Variants in ANKRD6 observed in about 807,000 individuals in gnomAD.
The protein encoded by ANKRD6 is ankyrin repeat domain 6.
A neutral mutation model predicts 82.3 loss-of-function variants in ANKRD6; 56 were observed. The ratio of observed to expected loss-of-function variants is 0.68; its 90% CI spans 0.55 to 0.85. The LOEUF is 0.85. Ranked by LOEUF, ANKRD6 falls within the 40% of genes least tolerant of loss-of-function variation. The probability of loss-of-function intolerance (pLI) is 0.00; values close to 1 mark genes in which losing one functional copy is unlikely to be tolerated. For synonymous variants in ANKRD6, 347 were observed against 352.1 expected (o/e 0.99, Z 0.16); for missense variants, 852 against 907.6 (o/e 0.94, Z 0.79).
intron 1 of ANKRD6, among the ~76,000 whole-genome samples, chr6:89,499,164 T>C (rs1778983490): frequency 1.3e-5 from 2 of 152,192 alleles, no homozygotes; most frequent in Admixed American, 6.5e-5. Flanking sequence ...CACCCGGATG[T>C]AGAGCAGCCT....
At chr6:89,500,489 A>C (rs1007819459) in intron 1 of ANKRD6, among the ~76,000 whole-genome samples, 10 of 152,214 alleles carry the variant, frequency 6.6e-5, no homozygotes, top group Non-Finnish European at 1.3e-4. Context: ...TAATAATGTC[A>C]TATGATATAT....
Position 89,613,859 on chromosome 6 carries a change from C to G in ANKRD6, c.584C>G (p.Thr195Ser). The G allele has an allele frequency of 6.2e-7, 1 of 1,614,056 alleles. No homozygotes were observed. Among genetic ancestry groups the G allele is most frequent in the Non-Finnish European group, 8.5e-7 (1 of 1,179,896 alleles). ...TTGTCCATCATTAGGCTCCTCCTCA[C>G]TGCTTTCTGTTCTGTCCATGAAAAG... ...NHLSIIRLLL[T>S]AFCSVHEKNQ... The change falls in exon 7 of 16, where the codon ACT becomes AGT. Residue 195 changes from threonine (T) to serine (S), a missense_variant. Transcript: ENST00000339746.
intron 1 of ANKRD6, among the ~76,000 whole-genome samples, chr6:89,491,637 A>G (rs142598118): frequency 0.062 from 8,874 of 142,128 alleles, 281 homozygotes; most frequent in South Asian, 0.15. Flanking sequence ...AGGGCCTGTC[A>G]TGGGGTGGGG....
In ANKRD6 at chr6:89,566,923, T is replaced by C; in HGVS notation, c.-54T>C. ...GCCAGGCCGGGCCAGTGACTTCGTGTTGAGCTGAAGGAACTTGTCTACCGC... is the reference window on the plus strand; with the variant it reads ...GCCAGGCCGGGCCAGTGACTTCGTGCTGAGCTGAAGGAACTTGTCTACCGC... On this transcript the variant is annotated 5_prime_UTR_variant, in exon 2 of 16. Coordinates refer to ENST00000339746, the MANE Select transcript of ANKRD6 (RefSeq NM_001242809.2). 1 of 1,549,306 alleles carries C rather than the reference T, an allele frequency of 6.5e-7. No homozygotes were observed. The highest frequency in any genetic ancestry group is 1.2e-5 in the South Asian group (1 of 83,850).
chr6:89,499,093 A>T (rs1206626959), intron 1 of ANKRD6, among the ~76,000 whole-genome samples: 2 of 151,932 alleles, frequency 1.3e-5, no homozygotes, highest in Non-Finnish European at 2.9e-5. Context: ...CTTCCTGAAT[A>T]AAAAGACATA....
At chr6:89,477,765 C>A (rs1372919367) in intron 1 of ANKRD6, among the ~76,000 whole-genome samples, 2 of 134,202 alleles carry the variant, frequency 1.5e-5, no homozygotes, top group Non-Finnish European at 3.1e-5. Context: ...AGCGAGACTC[C>A]GTCTCAAAAA....
At chr6:89,546,054 G>T (rs1562777764) in intron 1 of ANKRD6, among the ~76,000 whole-genome samples, 1 of 152,090 alleles carries the variant, frequency 6.6e-6, no homozygotes, top group Non-Finnish European at 1.5e-5. Flanking sequence ...TGATCTGCCC[G>T]CCTCAGCCTC....
chr6:89,458,999 T>TGTGCACA (rs1582708241), intron 1 of ANKRD6, among the ~76,000 whole-genome samples: 2 of 152,174 alleles, frequency 1.3e-5, no homozygotes, highest in East Asian at 3.9e-4. Flanking sequence ...TGTGGAGGGG[T>TGTGCACA]GTGCACACCT....
intron 1 of ANKRD6, among the ~76,000 whole-genome samples, chr6:89,533,908 T>C (rs192912825): frequency 1.3e-5 from 2 of 152,296 alleles, no homozygotes; most frequent in Admixed American, 1.3e-4. Context: ...TGGCGGTACC[T>C]GGTCCAATAA....
At chr6:89,448,800 A>G (rs1772417986) in intron 1 of ANKRD6, among the ~76,000 whole-genome samples, 1 of 152,014 alleles carries the variant, frequency 6.6e-6, no homozygotes, top group Non-Finnish European at 1.5e-5. Context: ...GGAGGCCGAG[A>G]TGGGCGGATC....
intron 2 of ANKRD6, among the ~76,000 whole-genome samples, chr6:89,582,737 C>T (rs1337562781): frequency 6.7e-6 from 1 of 150,232 alleles, no homozygotes; most frequent in Non-Finnish European, 1.5e-5. Context: ...TACCTAGAGG[C>T]AATGAATCAC....
chr6:89,615,551 G>C (rs572141306), intron 7 of ANKRD6, among the ~76,000 whole-genome samples: 42 of 152,276 alleles, frequency 2.8e-4, no homozygotes, highest in African/African-American at 9.9e-4. Context: ...TGGGACCCAG[G>C]CATCATCATT....
intron 1 of ANKRD6, among the ~76,000 whole-genome samples, chr6:89,491,705 T>A (rs1778029444): frequency 1.3e-5 from 2 of 152,014 alleles, no homozygotes; most frequent in South Asian, 4.2e-4. Flanking sequence ...AGTTAATGGG[T>A]GCAGCACACC....
At chr6:89,434,355 T>A (rs1452562613) in intron 1 of ANKRD6, among the ~76,000 whole-genome samples, 1 of 152,232 alleles carries the variant, frequency 6.6e-6, no homozygotes, top group East Asian at 1.9e-4. Flanking sequence ...GCTTAGGTTC[T>A]GTTAGGCCAG....
chr6:89,543,974 A>G lies in ANKRD6; in HGVS notation c.-143-22860A>G, dbSNP rs180838937. On this transcript the variant is annotated intron_variant, in intron 1 of 15. Transcript: ENST00000339746. Reference sequence around the variant, plus strand: ...CATCCCCCATTAATTAAAAAGCTCAATACCGTGGCAGTGTCTCTTACTGTC... The same window carrying G: ...CATCCCCCATTAATTAAAAAGCTCAGTACCGTGGCAGTGTCTCTTACTGTC... Among the ~76,000 whole-genome samples the G allele has an allele frequency of 9.2e-5, 14 of 151,964 alleles. No individual in the cohort carries two copies. In the East Asian group the frequency reaches 1.9e-3, roughly 21 times the overall value.
intron 1 of ANKRD6, among the ~76,000 whole-genome samples, chr6:89,460,767 GT>G (rs1158845492): frequency 6.6e-6 from 1 of 151,726 alleles, no homozygotes; most frequent in Non-Finnish European, 1.5e-5. Flanking sequence ...TTTCTCTCAA[GT>G]TTTTTTTATT....
At chr6:89,566,034 G>A (rs1788449627) in intron 1 of ANKRD6, among the ~76,000 whole-genome samples, 1 of 152,208 alleles carries the variant, frequency 6.6e-6, no homozygotes, top group South Asian at 2.1e-4. Flanking sequence ...GAAGAATTCA[G>A]TTTGCTACTA....
intron 1 of ANKRD6, among the ~76,000 whole-genome samples, chr6:89,493,572 G>A (rs1299654216): frequency 6.6e-6 from 1 of 152,000 alleles, no homozygotes; most frequent in Non-Finnish European, 1.5e-5. Context: ...ATCATGCCCA[G>A]CTAATTTTTA....
chr6:89,600,403 C>T (rs984808225), intron 3 of ANKRD6, among the ~76,000 whole-genome samples: 1 of 152,160 alleles, frequency 6.6e-6, no homozygotes, highest in African/African-American at 2.4e-5. Flanking sequence ...GCAAGAGTGG[C>T]TAACACGACC....
Sources: allele counts gnomAD v4.1 joint callset (sites outside exome capture counted in the v4.1 genomes callset), GRCh38; gene constraint gnomAD v4.1.1; transcripts MANE v1.5; gene names NCBI Gene and HGNC (gene_info 2026-07-23, HGNC 2026-07-21).